Variants in HINT3 observed in about 807,000 individuals in gnomAD.
HINT3 encodes the protein adenosine 5'-monophosphoramidase HINT3.
Under a neutral mutation model 19.1 loss-of-function variants are expected in HINT3, and 16 were observed. That is an observed-to-expected ratio of 0.84 (90% CI 0.57 to 1.27). HINT3 has a LOEUF of 1.27. Among genes scored for constraint, HINT3 ranks in the 50% most tolerant of loss-of-function variants. The pLI, the probability that HINT3 is intolerant of heterozygous loss-of-function variation, is 0.00. For synonymous variants in HINT3, 75 were observed against 84.8 expected, an observed-to-expected ratio of 0.88 and a Z score of 0.63; for missense variants, 197 against 225.8, an observed-to-expected ratio of 0.87 and a Z score of 0.82.
intron 4 of HINT3, 40 bp downstream of exon 4, chr6:125,975,013 T>C: frequency 6.3e-7 from 1 of 1,593,954 alleles, no homozygotes; most frequent in Non-Finnish European, 8.6e-7. Flanking sequence ...CAAAAATATT[T>C]AAAATATCCT....
rs112753910 is a variant in HINT3 at position 125,960,657 on chromosome 6, G to T, written c.201+3479G>T. Among the ~76,000 whole-genome samples, 3 of 138,574 alleles carry T rather than the reference G, an allele frequency of 2.2e-5. 1 individual carries two copies. Among genetic ancestry groups the T allele is most frequent in the African/African-American group, 7.8e-5 (3 of 38,358 alleles). The allele number at this position is 138,574 out of a possible 152,430, so 90.9% of individuals were successfully genotyped here. A position where few individuals can be genotyped will look rare whatever the true frequency, so the allele number is the denominator to read the frequency against. Reference sequence around the variant, plus strand: ...GGGTGACAGAGCAAGACTCTCTCTGGGGGGGGGGAAAAAAAAAGAAGTTAG... The same window carrying T: ...GGGTGACAGAGCAAGACTCTCTCTGTGGGGGGGGAAAAAAAAAGAAGTTAG... On this transcript the variant is annotated intron_variant, in intron 1 of 4. Transcript: ENST00000229633.
At position 125,978,999 on chromosome 6, in the gene HINT3, C is replaced by T. The variant is rs972376489; in HGVS notation, c.*1323C>T. ...CAAAATCAGTGATTAGAATTTAGTGCGTTAAGTTCCCTGATGCCTTCACAG... is the reference window on the plus strand; with the variant it reads ...CAAAATCAGTGATTAGAATTTAGTGTGTTAAGTTCCCTGATGCCTTCACAG... On this transcript the variant is annotated 3_prime_UTR_variant, in exon 5 of 5. Coordinates refer to ENST00000229633, the MANE Select transcript of HINT3 (RefSeq NM_138571.5). The T allele has an allele frequency of 3.3e-5, 5 of 152,060 alleles. No individual in the cohort carries two copies. Among genetic ancestry groups the T allele is most frequent in the African/African-American group, 9.7e-5 (4 of 41,392 alleles). The allele number at this position is 152,060 out of a possible 1,614,324, so 9.4% of individuals were successfully genotyped here. A position where few individuals can be genotyped will look rare whatever the true frequency, so the allele number is the denominator to read the frequency against.
intron 1 of HINT3, among the ~76,000 whole-genome samples, chr6:125,960,733 G>T (rs1316212937): frequency 6.8e-6 from 1 of 147,346 alleles, no homozygotes; most frequent in Non-Finnish European, 1.5e-5. Context: ...CTGAATAGGA[G>T]AAGGAAGTAA....
rs954115771 is a variant in HINT3 at position 125,977,904 on chromosome 6, A to G, written c.*228A>G. ...GGTTACTTGTATAAGGATTTTATATATATGATACTATAGATAAAATCCTAT... is the reference window on the plus strand; with the variant it reads ...GGTTACTTGTATAAGGATTTTATATGTATGATACTATAGATAAAATCCTAT... On this transcript the variant is annotated 3_prime_UTR_variant, in exon 5 of 5. Coordinates refer to ENST00000229633, the MANE Select transcript of HINT3 (RefSeq NM_138571.5). 6 of 342,556 alleles carry G rather than the reference A, an allele frequency of 1.8e-5. No individual in the cohort carries two copies. The highest frequency in any genetic ancestry group is 1.2e-4 in the South Asian group (1 of 8,502). 21.2% of individuals were successfully genotyped at this position (342,556 alleles called of 1,614,324 possible).
rs1281188500 is a variant in HINT3, at chr6:125,957,005, G to T, written c.28G>T (p.Ala10Ser). 2 of 1,550,300 alleles carry T rather than the reference G, an allele frequency of 1.3e-6. No individual in the cohort carries two copies. The change falls in exon 1 of 5, where the codon GCC becomes TCC. Residue 10 changes from alanine to serine, a missense_variant. Physicochemically the swap from Ala to Ser is moderately conservative, Grantham distance 99. Transcript: ENST00000229633. The stretch of plus-strand genomic sequence containing the variant: ...GGCGGAGGAACAGGTGAACCGCAGC[G>T]CCGGCCTGGCCCCCGACTGTGAGGC... Reference protein sequence around the residue: MAEEQVNRSAGLAPDCEASA... With the variant: MAEEQVNRSSGLAPDCEASA...
At chr6:125,966,220 C>T (rs1297857291) in intron 1 of HINT3, among the ~76,000 whole-genome samples, 5 of 152,146 alleles carry the variant, frequency 3.3e-5, no homozygotes. Context: ...CACGCTCTTC[C>T]TTTCCTTTTC....
At chr6:125,967,892 C>T (rs1789041014) in intron 2 of HINT3, among the ~76,000 whole-genome samples, 1 of 152,192 alleles carries the variant, frequency 6.6e-6, no homozygotes, top group Non-Finnish European at 1.5e-5. Flanking sequence ...CATTTTCCTA[C>T]TCATGCCTTC....
At chr6:125,970,949 C>G (rs1044294905) in intron 2 of HINT3, among the ~76,000 whole-genome samples, 1 of 152,146 alleles carries the variant, frequency 6.6e-6, no homozygotes, top group Non-Finnish European at 1.5e-5. Context: ...GGCAGTCTCC[C>G]AGCTCAAACC....
chr6:125,961,054 A>G (rs1385775374), intron 1 of HINT3, among the ~76,000 whole-genome samples: 5 of 152,214 alleles, frequency 3.3e-5, no homozygotes. Context: ...GGTGGGATCC[A>G]GACTTCTATC....
intron 1 of HINT3, among the ~76,000 whole-genome samples, chr6:125,962,235 CACATATATATATAT>C (rs1562212186): frequency 0.094 from 1,466 of 15,618 alleles, 149 homozygotes; most frequent in Non-Finnish European, 0.11. Flanking sequence ...TATATATATA[CACATATATATATAT>C]ACACACATAT....
At chr6:125,966,518 T>C (rs1009993519) in intron 1 of HINT3, among the ~76,000 whole-genome samples, 1 of 152,218 alleles carries the variant, frequency 6.6e-6, no homozygotes, top group Non-Finnish European at 1.5e-5. Context: ...TTTATCTATC[T>C]TGTTGTGATT....
intron 4 of HINT3, 118 bp downstream of exon 4, chr6:125,975,091 A>G (rs1789162707): frequency 1.2e-6 from 1 of 855,868 alleles, no homozygotes; most frequent in African/African-American, 1.7e-5. Context: ...TACCTGTTTT[A>G]ACATACTGCT....
At chr6:125,976,693 TATAAA>T (rs1789184134) in intron 4 of HINT3, among the ~76,000 whole-genome samples, 1 of 152,050 alleles carries the variant, frequency 6.6e-6, no homozygotes, top group Non-Finnish European at 1.5e-5. Context: ...GAAAACATCT[TATAAA>T]ATATGTTGTT....
chr6:125,956,792 G>A lies in HINT3; in HGVS notation c.-186G>A. 4.5e-6 allele frequency: 3 copies of A among 672,272 alleles called. No homozygotes were observed. In the South Asian group the frequency reaches 5.9e-5, roughly 13 times the overall value. The allele number at this position is 672,272 out of a possible 1,614,324, so 41.6% of individuals were successfully genotyped here. A position where few individuals can be genotyped will look rare whatever the true frequency, so the allele number is the denominator to read the frequency against. ...GCCCTCTAGTGGCAGCCGGTTTTGAGGCCGGCCTCCGGCTTTGAAGTTCCT... is the reference window on the plus strand; with the variant it reads ...GCCCTCTAGTGGCAGCCGGTTTTGAAGCCGGCCTCCGGCTTTGAAGTTCCT... On this transcript the variant is annotated 5_prime_UTR_variant, in exon 1 of 5. Coordinates refer to ENST00000229633, the MANE Select transcript of HINT3 (RefSeq NM_138571.5).
intron 1 of HINT3, among the ~76,000 whole-genome samples, chr6:125,959,376 G>A (rs1176401038): frequency 6.6e-6 from 1 of 152,196 alleles, no homozygotes; most frequent in Non-Finnish European, 1.5e-5. Flanking sequence ...ACGCTGGAAA[G>A]GCTAAGAGAA....
Position 125,960,067 on chromosome 6 carries a change from C to G in HINT3, c.201+2889C>G, listed in dbSNP as rs1472017415. ...CTAAGCAGGTGACATTTGGGTTAAG[C>G]CTTGAAAAAGGAGAAGGAGCAATTA... On this transcript the variant is annotated intron_variant, in intron 1 of 4. Transcript: ENST00000229633. Among the ~76,000 whole-genome samples, 3 of 152,088 alleles carry G rather than the reference C, an allele frequency of 2.0e-5. No homozygotes were observed. In the East Asian group the frequency reaches 5.8e-4, roughly 29 times the overall value.
Position 125,975,656 on chromosome 6 carries a change from C to T in HINT3, c.516+683C>T, listed in dbSNP as rs151079497. Among the ~76,000 whole-genome samples the T allele has an allele frequency of 1.3e-3, 194 of 149,828 alleles. 1 individual carries two copies. Among genetic ancestry groups the T allele is most frequent in the African/African-American group, 4.6e-3 (186 of 40,520 alleles). ...GCAGTAGTGCAATCTTGGCTCACTG[C>T]AACCTCCGCCTCCCGGGTTCAAGCT... On this transcript the variant is annotated intron_variant, in intron 4 of 4. Transcript: ENST00000229633.
At chr6:125,976,680 T>C (rs956345856) in intron 4 of HINT3, among the ~76,000 whole-genome samples, 3 of 152,054 alleles carry the variant, frequency 2.0e-5, no homozygotes, top group Non-Finnish European at 4.4e-5. Context: ...ACTTTTTTAC[T>C]TGGAAAACAT....
At chr6:125,960,024 TAGTC>T (rs1451743194) in intron 1 of HINT3, among the ~76,000 whole-genome samples, 2 of 152,248 alleles carry the variant, frequency 1.3e-5, no homozygotes, top group Non-Finnish European at 2.9e-5. Context: ...TTTAAAATTT[TAGTC>T]AGGAAAATCT....
Sources: gnomAD v4.1 joint callset for allele counts (sites outside exome capture counted in the v4.1 genomes callset) on GRCh38, gnomAD v4.1.1 for gene constraint, MANE v1.5 for transcripts, NCBI Gene and HGNC (gene_info 2026-07-23, HGNC 2026-07-21) for gene names.